Variants in CTNNA3 observed in about 807,000 individuals in gnomAD.
CTNNA3 encodes the protein catenin alpha-3.
Under a neutral mutation model 95.7 loss-of-function variants are expected in CTNNA3, and 76 were observed. That is an observed-to-expected ratio of 0.79 (90% CI 0.66 to 0.96). The LOEUF (loss-of-function observed/expected upper bound fraction) is 0.96. CTNNA3 is among the 40% of genes least tolerant of loss of function. The probability of loss-of-function intolerance (pLI) is 0.00; values close to 1 mark genes in which losing one functional copy is unlikely to be tolerated. For missense variants in CTNNA3, 1,191 were observed against 1,089.8 expected, an observed-to-expected ratio of 1.09 and a Z score of -1.31; for synonymous variants, 431 against 374.4, an observed-to-expected ratio of 1.15 and a Z score of -1.74.
At chr10:67,701,103 C>A (rs1841035511), upstream of CTNNA3, among the ~76,000 whole-genome samples, 1 of 152,136 alleles carries the variant, frequency 6.6e-6, no homozygotes, top group Non-Finnish European at 1.5e-5. Context: ...ACGAAAAAGC[C>A]TCCAAGAAAT....
At chr10:67,590,553 C>G (rs1842759807) in intron 3 of CTNNA3, among the ~76,000 whole-genome samples, 1 of 152,096 alleles carries the variant, frequency 6.6e-6, no homozygotes, top group South Asian at 2.1e-4. Context: ...CAAAGTCTTT[C>G]TAACATATGG....
intron 3 of CTNNA3, among the ~76,000 whole-genome samples, chr10:67,560,824 C>G (rs956125168): frequency 6.6e-6 from 1 of 151,902 alleles, no homozygotes; most frequent in Admixed American, 6.6e-5. Flanking sequence ...CAAAAAAAGG[C>G]AGGGGTTGCA....
At chr10:66,543,907 GTGTGTATA>G (rs1367749743) in intron 10 of CTNNA3, among the ~76,000 whole-genome samples, 1,155 of 28,554 alleles carry the variant, frequency 0.04, 3 homozygotes, top group Non-Finnish European at 0.053. Context: ...AGATGTGTGT[GTGTGTATA>G]TATATATATA....
intron 9 of CTNNA3, among the ~76,000 whole-genome samples, chr10:66,719,221 G>A (rs753164906): frequency 9.9e-5 from 15 of 152,134 alleles, no homozygotes; most frequent in South Asian, 2.1e-4. Flanking sequence ...CAGATTCTAA[G>A]ACTCTTGATT....
chr10:66,258,948 C>G (rs1324803534), intron 13 of CTNNA3, among the ~76,000 whole-genome samples: 1 of 152,182 alleles, frequency 6.6e-6, no homozygotes, highest in African/African-American at 2.4e-5. Context: ...AAACAAGCCA[C>G]ATGGCTATAC....
At chr10:66,232,213 A>C (rs1042385139) in intron 13 of CTNNA3, among the ~76,000 whole-genome samples, 4 of 152,124 alleles carry the variant, frequency 2.6e-5, no homozygotes, top group African/African-American at 4.8e-5. Context: ...GACCCACAAA[A>C]TCTATGAGAT....
At chr10:67,721,128 ATG>A (rs1841177695) in intron 1 of CTNNA3, among the ~76,000 whole-genome samples, 1 of 151,768 alleles carries the variant, frequency 6.6e-6, no homozygotes, top group Admixed American at 6.6e-5. Context: ...ACTGTGTATT[ATG>A]TGTCTTAGGG....
At chr10:66,000,075 A>T (rs1405714899) in intron 15 of CTNNA3, among the ~76,000 whole-genome samples, 6 of 152,184 alleles carry the variant, frequency 3.9e-5, no homozygotes, top group South Asian at 4.1e-4. Context: ...TCAATTAAAG[A>T]AAGTAAAATG....
intron 1 of CTNNA3, among the ~76,000 whole-genome samples, chr10:67,690,308 G>A (rs565590409): frequency 1.4e-4 from 21 of 152,272 alleles, no homozygotes; most frequent in African/African-American, 3.8e-4. Flanking sequence ...AAGGTAGTGC[G>A]GACCCAAAGA....
At chr10:66,442,157 G>A (rs1481893426) in intron 11 of CTNNA3, among the ~76,000 whole-genome samples, 1 of 152,006 alleles carries the variant, frequency 6.6e-6, no homozygotes, top group Non-Finnish European at 1.5e-5. Context: ...TATTTACACA[G>A]CATTTACAGT....
At chr10:67,543,444 G>A (rs1167974075) in intron 3 of CTNNA3, among the ~76,000 whole-genome samples, 2 of 151,928 alleles carry the variant, frequency 1.3e-5, no homozygotes, top group Non-Finnish European at 2.9e-5. Flanking sequence ...TATTTTACAA[G>A]TTCCTTTGCT....
At chr10:67,519,769 C>T (rs565026909) in intron 5 of CTNNA3, among the ~76,000 whole-genome samples, 1 of 152,130 alleles carries the variant, frequency 6.6e-6, no homozygotes, top group Non-Finnish European at 1.5e-5. Flanking sequence ...CAAAGAATAC[C>T]ACCTTATAAA....
chr10:67,687,173 G>T (rs554692098), intron 1 of CTNNA3, among the ~76,000 whole-genome samples: 2 of 152,274 alleles, frequency 1.3e-5, no homozygotes, highest in South Asian at 4.2e-4. Flanking sequence ...TGTCCAGGAG[G>T]AAATCAATTT....
At chr10:67,362,861 A>G (rs970049853) in intron 5 of CTNNA3, among the ~76,000 whole-genome samples, 1 of 152,114 alleles carries the variant, frequency 6.6e-6, no homozygotes, top group African/African-American at 2.4e-5. Context: ...GAAAACCCTG[A>G]AGTCTCTGCC....
intron 12 of CTNNA3, among the ~76,000 whole-genome samples, chr10:66,317,728 A>C (rs371761355): frequency 6.6e-6 from 1 of 152,124 alleles, no homozygotes; most frequent in African/African-American, 2.4e-5. Context: ...TATATTATCA[A>C]ATTAGTGTGA....
intron 14 of CTNNA3, among the ~76,000 whole-genome samples, chr10:66,086,125 G>C (rs567684711): frequency 5.9e-5 from 9 of 152,232 alleles, no homozygotes; most frequent in Non-Finnish European, 1.2e-4. Flanking sequence ...CATAGCAATA[G>C]ACAAGGCTTT....
chr10:66,492,286 T>G (rs1839950392), intron 11 of CTNNA3, among the ~76,000 whole-genome samples: 1 of 152,076 alleles, frequency 6.6e-6, no homozygotes, highest in Non-Finnish European at 1.5e-5. Context: ...TTCTTTATGC[T>G]TTTTGTTTTT....
At chr10:66,560,187 T>TTTATTA (rs1842509839) in intron 10 of CTNNA3, among the ~76,000 whole-genome samples, 1 of 152,132 alleles carries the variant, frequency 6.6e-6, no homozygotes, top group African/African-American at 2.4e-5. Context: ...ACTCCTTGTG[T>TTTATTA]TCCATCTTCT....
At chr10:66,417,312 C>G (rs958792550) in intron 11 of CTNNA3, among the ~76,000 whole-genome samples, 7 of 151,794 alleles carry the variant, frequency 4.6e-5, no homozygotes, top group African/African-American at 1.5e-4. Context: ...ATAAAAGGAC[C>G]AATCTAGCAA....
Sources: gnomAD v4.1 joint callset for allele counts (sites outside exome capture counted in the v4.1 genomes callset) on GRCh38, gnomAD v4.1.1 for gene constraint, MANE v1.5 for transcripts, NCBI Gene and HGNC (gene_info 2026-07-23, HGNC 2026-07-21) for gene names.